DACH1: variants seen among roughly 807,000 people sequenced by gnomAD.
The protein encoded by DACH1 is dachshund family transcription factor 1.
A neutral mutation model predicts 54.2 loss-of-function variants in DACH1; 12 were observed. That is an observed-to-expected ratio of 0.22 (90% CI 0.14 to 0.36). The LOEUF (loss-of-function observed/expected upper bound fraction) is 0.36, where lower values mean the gene tolerates loss of function less well. Ranked by LOEUF, DACH1 falls within the 10% of genes least tolerant of loss-of-function variation. The pLI is 1.00. For synonymous variants in DACH1, 386 were observed against 366.2 expected, an observed-to-expected ratio of 1.05 and a Z score of -0.62; for missense variants, 805 against 929.8, an observed-to-expected ratio of 0.87 and a Z score of 1.75.
chr13:71,613,069 A>C (rs1439462408), intron 3 of DACH1, among the ~76,000 whole-genome samples: 1 of 152,244 alleles, frequency 6.6e-6, no homozygotes, highest in East Asian at 1.9e-4. Flanking sequence ...TGCAAAGTGC[A>C]ACAGAAAGAA....
intron 6 of DACH1, among the ~76,000 whole-genome samples, chr13:71,490,274 C>G (rs1231439122): frequency 6.6e-6 from 1 of 152,174 alleles, no homozygotes; most frequent in Non-Finnish European, 1.5e-5. Context: ...ATTACACCAT[C>G]TAACCACACA....
chr13:71,540,264 A>G lies in DACH1; in HGVS notation c.1570+16760T>C, dbSNP rs1225278888. Among the ~76,000 whole-genome samples, 6 of 152,068 alleles carry G rather than the reference A, an allele frequency of 3.9e-5. No homozygotes were observed. In the East Asian group the frequency reaches 1.2e-3, roughly 29 times the overall value. On this transcript the variant is annotated intron_variant, in intron 6 of 10. Transcript: ENST00000613252. ...AGCATCTGGAAACCTAAGCAGAGGC[A>G]AAGTCTGCTATAACAAAGGCACTGT...
chr13:71,638,142 A>G (rs1312508422), intron 2 of DACH1, among the ~76,000 whole-genome samples: 2 of 152,212 alleles, frequency 1.3e-5, no homozygotes, highest in African/African-American at 2.4e-5. Context: ...AAACAAAACC[A>G]TTTTAAACAT....
intron 1 of DACH1, among the ~76,000 whole-genome samples, chr13:71,800,341 A>C (rs1887242174): frequency 6.6e-6 from 1 of 152,138 alleles, no homozygotes; most frequent in African/African-American, 2.4e-5. Context: ...AAAAGAATAA[A>C]ATAAACACAA....
intron 10 of DACH1, among the ~76,000 whole-genome samples, chr13:71,456,826 G>C (rs1314376172): frequency 6.6e-6 from 1 of 151,946 alleles, no homozygotes; most frequent in Non-Finnish European, 1.5e-5. Flanking sequence ...CCTGTATAAA[G>C]AGTTCAAAGC....
chr13:71,583,743 G>C (rs558042557), intron 3 of DACH1, among the ~76,000 whole-genome samples: 4 of 152,148 alleles, frequency 2.6e-5, no homozygotes, highest in Non-Finnish European at 5.9e-5. Context: ...TGGGAGGCAG[G>C]AGCGTTGCTT....
chr13:71,514,580 T>C (rs1331385576), intron 6 of DACH1, among the ~76,000 whole-genome samples: 1 of 151,848 alleles, frequency 6.6e-6, no homozygotes, highest in East Asian at 1.9e-4. Flanking sequence ...ATTGTGTATA[T>C]ATAGATATAT....
chr13:71,462,907 CACACACACATAA>C (rs770657216), intron 10 of DACH1, among the ~76,000 whole-genome samples: 2,335 of 109,540 alleles, frequency 0.021, 31 homozygotes, highest in Non-Finnish European at 0.034. Context: ...CACACACACA[CACACACACATAA>C]ACCATGAATA....
chr13:71,834,270 A>G (rs981165844), intron 1 of DACH1, among the ~76,000 whole-genome samples: 7 of 152,052 alleles, frequency 4.6e-5, no homozygotes, highest in African/African-American at 1.7e-4. Context: ...TAATGAAGCT[A>G]TTTAAAACTG....
rs141969845 is a variant in DACH1 at position 71,624,959 on chromosome 13, T to C, written c.1126+5597A>G. 6.2e-3 allele frequency among the ~76,000 whole-genome samples: 942 copies of C among 151,992 alleles called. 14 individuals are homozygous for C. The highest frequency in any genetic ancestry group is 0.021 in the African/African-American group (853 of 41,512). On this transcript the variant is annotated intron_variant, in intron 3 of 10. Coordinates refer to ENST00000613252, the MANE Select transcript of DACH1 (RefSeq NM_080759.6). ...TTAAAGAACCTAAGCAGAATAAGCA[T>C]AGGACACCCCCTCCCTGAAAAAATT...
At position 71,699,287 on chromosome 13, in the gene DACH1, G is replaced by A. The variant is rs73523443; in HGVS notation, c.849-17377C>T. Among the ~76,000 whole-genome samples the A allele has an allele frequency of 7.5e-3, 1,146 of 152,190 alleles. 21 individuals are homozygous for A. The highest frequency in any genetic ancestry group is 0.026 in the African/African-American group (1,083 of 41,534). On this transcript the variant is annotated intron_variant, in intron 1 of 10. Coordinates refer to ENST00000613252, the MANE Select transcript of DACH1 (RefSeq NM_080759.6). ...AAAAGATAAAAATGAATATAGACAC[G>A]AGGATTGCTAACTACATTTTAAAAT... is the stretch of plus-strand genomic sequence containing the variant.
At chr13:71,788,711 A>C (rs1282142702) in intron 1 of DACH1, among the ~76,000 whole-genome samples, 2 of 152,098 alleles carry the variant, frequency 1.3e-5, no homozygotes, top group African/African-American at 4.8e-5. Context: ...ATGTGTGGCT[A>C]ATGTATCATA....
At chr13:71,717,161 A>G (rs918549728) in intron 1 of DACH1, among the ~76,000 whole-genome samples, 6 of 152,180 alleles carry the variant, frequency 3.9e-5, no homozygotes, top group African/African-American at 1.4e-4. Context: ...AAAATATAAA[A>G]TAAACTAAAG....
chr13:71,713,872 A>C (rs895987745), intron 1 of DACH1, among the ~76,000 whole-genome samples: 6 of 152,108 alleles, frequency 3.9e-5, no homozygotes, highest in Admixed American at 3.3e-4. Context: ...AATTTCTAAT[A>C]ATCATAAATA....
At chr13:71,482,079 T>C (rs1482840450) in intron 7 of DACH1, among the ~76,000 whole-genome samples, 1 of 152,244 alleles carries the variant, frequency 6.6e-6, no homozygotes, top group Non-Finnish European at 1.5e-5. Flanking sequence ...AAATACATTT[T>C]AAGTTTATGC....
chr13:71,529,528 T>C (rs1236403773), intron 6 of DACH1, among the ~76,000 whole-genome samples: 1 of 152,194 alleles, frequency 6.6e-6, no homozygotes, highest in East Asian at 1.9e-4. Flanking sequence ...ATCGTAGATG[T>C]GGCAACTGCA....
intron 3 of DACH1, among the ~76,000 whole-genome samples, chr13:71,600,562 C>T (rs1874419607): frequency 6.6e-6 from 1 of 151,648 alleles, no homozygotes; most frequent in African/African-American, 2.4e-5. Flanking sequence ...AAAGAAGGAT[C>T]CAGGAAATCA....
At chr13:71,865,575 G>C (rs1227162197) in intron 1 of DACH1, among the ~76,000 whole-genome samples, 3 of 152,118 alleles carry the variant, frequency 2.0e-5, no homozygotes, top group African/African-American at 7.2e-5. Flanking sequence ...GCGCCCGCGC[G>C]CCCGGGGCAG....
At chr13:71,783,227 G>C (rs1244519707) in intron 1 of DACH1, among the ~76,000 whole-genome samples, 2 of 152,280 alleles carry the variant, frequency 1.3e-5, no homozygotes, top group African/African-American at 4.8e-5. Context: ...TAGATCCATA[G>C]TGATGCCTTC....
Sources: allele counts gnomAD v4.1 joint callset (sites outside exome capture counted in the v4.1 genomes callset), GRCh38; gene constraint gnomAD v4.1.1; transcripts MANE v1.5; gene names NCBI Gene and HGNC (gene_info 2026-07-23, HGNC 2026-07-21).